RTL1: variants seen among roughly 807,000 people sequenced by gnomAD.
RTL1 encodes the protein retrotransposon Gag like 1.
For synonymous variants in RTL1, 727 were observed against 748.4 expected, an observed-to-expected ratio of 0.97 and a Z score of 0.47; for missense variants, 1,681 against 1,767.5, an observed-to-expected ratio of 0.95 and a Z score of 0.88.
intron 2 of RTL1, chr14:100,897,454 T>A (rs957259204): frequency 2.6e-5 from 4 of 152,210 alleles, no homozygotes; most frequent in African/African-American, 9.7e-5. Flanking sequence ...GCAAATTAAC[T>A]GCTCTTCTCA....
At chr14:100,891,219 C>T (rs1313454304) in intron 3 of RTL1, among the ~76,000 whole-genome samples, 1 of 152,136 alleles carries the variant, frequency 6.6e-6, no homozygotes, top group Non-Finnish European at 1.5e-5. Context: ...TGACTTGTGG[C>T]TAAAGACGAC....
At chr14:100,895,838 CGAGGCCGGTGGATCACCT>C (rs893950920) in intron 2 of RTL1, among the ~76,000 whole-genome samples, 30 of 151,998 alleles carry the variant, frequency 2.0e-4, no homozygotes, top group African/African-American at 7.0e-4. Flanking sequence ...TTTCGGAGGC[CGAGGCCGGTGGATCACCT>C]GAGGCCAGGA....
chr14:100,901,974 C>A (rs1384314514), intron 2 of RTL1, among the ~76,000 whole-genome samples: 1 of 152,222 alleles, frequency 6.6e-6, no homozygotes, highest in Admixed American at 6.5e-5. Flanking sequence ...CACTTGCCCG[C>A]TTGCCTGCTC....
chr14:100,900,107 C>T (rs967870321), intron 2 of RTL1, among the ~76,000 whole-genome samples: 1 of 152,222 alleles, frequency 6.6e-6, no homozygotes, highest in African/African-American at 2.4e-5. Context: ...ATGTAAATAA[C>T]ATATAAAAAG....
chr14:100,896,939 C>T (rs2038865641), intron 2 of RTL1, among the ~76,000 whole-genome samples: 1 of 152,172 alleles, frequency 6.6e-6, no homozygotes. Flanking sequence ...TTCCACTCGG[C>T]TAATCTCCAA....
At chr14:100,896,085 G>A (rs182959609) in intron 2 of RTL1, among the ~76,000 whole-genome samples, 12,014 of 148,808 alleles carry the variant, frequency 0.081, 666 homozygotes, top group South Asian at 0.12. Flanking sequence ...AAAAAAAAAA[G>A]AAAGAAAAAT....
chr14:100,897,756 G>GA (rs1566760836), intron 2 of RTL1: 9 of 147,156 alleles, frequency 6.1e-5, no homozygotes, highest in African/African-American at 2.6e-4. Context: ...GTTGGCGGGG[G>GA]GGGGGGTGGG....
In RTL1 at chr14:100,883,478, G is replaced by T; in HGVS notation, c.1311C>A (p.Phe437Leu). The T allele has an allele frequency of 6.4e-7, 1 of 1,551,374 alleles. No homozygotes were observed. The highest frequency in any genetic ancestry group is 1.4e-5 in the African/African-American group (1 of 73,152). ...GCTCTTGGGCGAACTTCTCATCCAT[G>T]AAGTTGCCGTCAGCTCCCGAATCCA... ...ALVDSGADGN[F>L]MDEKFAQEHY... Residue 437 changes from phenylalanine to leucine, a missense_variant, in exon 4 of 4, where the codon TTC becomes TTA. Phe to Leu is a conservative substitution (Grantham distance 22). Coordinates refer to ENST00000649591, the MANE Select transcript of RTL1 (RefSeq NM_001134888.3). The surrounding 1 kb of genome is among the most constrained non-coding windows in gnomAD (Gnocchi z 5.9).
chr14:100,886,601 A>T (rs1364183915), intron 3 of RTL1, among the ~76,000 whole-genome samples: 1 of 152,228 alleles, frequency 6.6e-6, no homozygotes, highest in African/African-American at 2.4e-5. Context: ...CATCATCATC[A>T]TCATGATGTA....
chr14:100,884,645 G>T lies in RTL1; in HGVS notation c.144C>A (p.Ala48=), dbSNP rs755923808. 2 of 1,613,522 alleles carry T rather than the reference G, an allele frequency of 1.2e-6. No homozygotes were observed. Among genetic ancestry groups the T allele is most frequent in the Non-Finnish European group, 1.7e-6 (2 of 1,179,878 alleles). ...GSGVRGEAGP[A]SGPAQEKKEP... ...CCTTCTTTTCCTGGGCTGGGCCGCT[G>T]GCTGGCCCTGCCTCTCCCCGCACTC... The change falls in exon 4 of 4, where the codon GCC becomes GCA. Residue 48 remains alanine (A), a synonymous_variant. Transcript: ENST00000649591.
In RTL1 at chr14:100,883,622, CCT is replaced by C. The variant is rs1159640000; in HGVS notation, c.1165_1166del (p.Arg389ValfsTer45). The C allele has an allele frequency of 3.9e-6, 6 of 1,551,374 alleles. No individual in the cohort carries two copies. On this transcript the variant is annotated frameshift_variant, in exon 4 of 4. Transcript: ENST00000649591. LOFTEE classifies it low-confidence loss of function (END_TRUNC). The surrounding 1 kb of genome is among the most constrained non-coding windows in gnomAD (Gnocchi z 5.9). ...TGGGCAACCAGCTGCTGACCATCCA[CCT>C]CTCTGGAGCAGGTGAGTCGATCCAG... is the stretch of plus-strand genomic sequence containing the variant. ...LTWIDSPAPE[R>X]WMVSSWLPSE...
intron 3 of RTL1, among the ~76,000 whole-genome samples, chr14:100,890,187 C>T (rs1260419020): frequency 2.0e-5 from 3 of 151,634 alleles, no homozygotes; most frequent in East Asian, 1.9e-4. Context: ...AAGAGACAGA[C>T]GCCCCAGCCT....
In RTL1 at chr14:100,884,315, G is replaced by A; in HGVS notation, c.474C>T (p.His158=). 8 of 1,549,470 alleles carry A rather than the reference G, an allele frequency of 5.2e-6. No homozygotes were observed. The highest frequency in any genetic ancestry group is 1.2e-5 in the South Asian group (1 of 83,962). ...CCATGGCCATAAGTTCTGCGGTTGA[G>A]TGCTCGGTCTGGTTTTGCTCTTGAG... ...ETPQEQNQTE[H]STAELMAMVR... The change falls in exon 4 of 4, where the codon CAC becomes CAT. Residue 158 remains histidine (H), a synonymous_variant. Transcript: ENST00000649591.
chr14:100,895,587 G>A (rs568140382), intron 2 of RTL1, among the ~76,000 whole-genome samples: 174 of 152,194 alleles, frequency 1.1e-3, no homozygotes, highest in African/African-American at 3.8e-3. Flanking sequence ...GAGCAGGGTC[G>A]GGGTGGAGGG....
At chr14:100,901,263 G>T (rs2038937733) in intron 2 of RTL1, among the ~76,000 whole-genome samples, 1 of 152,254 alleles carries the variant, frequency 6.6e-6, no homozygotes, top group Admixed American at 6.5e-5. Context: ...GCCCTGGCTG[G>T]CCTCGCAGCC....
At chr14:100,896,805 A>C (rs1424121694) in intron 2 of RTL1, among the ~76,000 whole-genome samples, 1 of 152,162 alleles carries the variant, frequency 6.6e-6, no homozygotes, top group Non-Finnish European at 1.5e-5. Context: ...GGGCACAGTG[A>C]GGCCCCAGCT....
chr14:100,880,549 G>T lies in RTL1; in HGVS notation c.*163C>A. The T allele has an allele frequency of 7.3e-7, 1 of 1,364,982 alleles. No individual in the cohort carries two copies. Among genetic ancestry groups the T allele is most frequent in the South Asian group, 1.5e-5 (1 of 66,818 alleles). The allele number at this position is 1,364,982 out of a possible 1,614,324, so 84.6% of individuals were successfully genotyped here. On this transcript the variant is annotated 3_prime_UTR_variant, in exon 4 of 4. Coordinates refer to ENST00000649591, the MANE Select transcript of RTL1 (RefSeq NM_001134888.3). ...GTTAGCACAGGTGGCATTGCTGGTT[G>T]ATGAGTTGAAGAAGTTGTTGCCCTT...
chr14:100,881,789 C>T lies in RTL1; in HGVS notation c.3000G>A (p.Arg1000=), dbSNP rs2038617945. The T allele has an allele frequency of 6.2e-7, 1 of 1,613,940 alleles. No homozygotes were observed. The highest frequency in any genetic ancestry group is 8.5e-7 in the Non-Finnish European group (1 of 1,179,934). The change falls in exon 4 of 4, where the codon CGG becomes CGA. Residue 1000 remains arginine, a synonymous_variant. Coordinates refer to ENST00000649591, the MANE Select transcript of RTL1 (RefSeq NM_001134888.3). The surrounding 1 kb of genome is among the most constrained non-coding windows in gnomAD (Gnocchi z 6.6). Reference sequence around the variant, plus strand: ...TGTTCCTCTGGAAGGCTCTCCTCCACCGGAGGTTTCTCACAGGTGGCAGAG... The same window carrying T: ...TGTTCCTCTGGAAGGCTCTCCTCCATCGGAGGTTTCTCACAGGTGGCAGAG... The part of the protein sequence containing the change: ...GRALPPVRNL[R]WRRAFQRNTA...
intron 3 of RTL1, chr14:100,889,615 A>G (rs780635937): frequency 6.6e-6 from 1 of 152,330 alleles, no homozygotes; most frequent in South Asian, 2.1e-4. Flanking sequence ...ATTAATTCAT[A>G]CAGCAGCATG....
Sources: allele counts gnomAD v4.1 joint callset (sites outside exome capture counted in the v4.1 genomes callset), GRCh38; gene constraint gnomAD v4.1.1; non-coding constraint Gnocchi (gnomAD v3.1); transcripts MANE v1.5; gene names NCBI Gene and HGNC (gene_info 2026-07-23, HGNC 2026-07-21).